Variants in GPC5 observed in about 807,000 individuals in gnomAD.
The protein encoded by GPC5 is glypican 5, also known as glypican-5.
Under a neutral mutation model 53.9 loss-of-function variants are expected in GPC5, and 47 were observed. The observed-to-expected ratio is 0.87, with a 90% CI of 0.69 to 1.11. The LOEUF is 1.11. GPC5 is among the 50% of genes most tolerant of loss of function. GPC5 has a pLI of 0.00. For missense variants in GPC5, 748 were observed against 713.1 expected (o/e 1.05, Z -0.56); for synonymous variants, 286 against 263.3 (o/e 1.09, Z -0.84).
intron 7 of GPC5, among the ~76,000 whole-genome samples, chr13:92,468,746 T>G (rs1041464910): frequency 6.6e-6 from 1 of 152,178 alleles, no homozygotes; most frequent in African/African-American, 2.4e-5. Context: ...CAGAACTGAC[T>G]GAGCACTTTC....
At chr13:91,932,069 G>A (rs540680546) in intron 6 of GPC5, among the ~76,000 whole-genome samples, 1 of 152,108 alleles carries the variant, frequency 6.6e-6, no homozygotes, top group Admixed American at 6.6e-5. Flanking sequence ...CTGATCTAAA[G>A]GGATGATTTC....
chr13:91,571,847 A>ATGTATACACACATACGTGTGTGTATG (rs758761473), intron 2 of GPC5, among the ~76,000 whole-genome samples: 1 of 80,800 alleles, frequency 1.2e-5, no homozygotes, highest in Non-Finnish European at 2.1e-5. Context: ...ACTTGTGTGT[A>ATGTATACACACATACGTGTGTGTATG]TATACACATA....
At chr13:91,415,070 TG>T (rs1295473436) in intron 1 of GPC5, among the ~76,000 whole-genome samples, 3 of 152,190 alleles carry the variant, frequency 2.0e-5, no homozygotes, top group Non-Finnish European at 1.5e-5. Context: ...CTTGCCTCCC[TG>T]TTGCTGGAGA....
intron 1 of GPC5, 55 bp downstream of exon 1, chr13:91,399,264 T>C: frequency 6.4e-7 from 1 of 1,562,190 alleles, no homozygotes; most frequent in Non-Finnish European, 8.7e-7. Context: ...CGGCCTTCGC[T>C]CCCCCAGGCT....
chr13:92,615,945 T>C (rs1441868592), intron 7 of GPC5, among the ~76,000 whole-genome samples: 1 of 152,048 alleles, frequency 6.6e-6, no homozygotes, highest in Non-Finnish European at 1.5e-5. Context: ...TCCCAGCTAC[T>C]TGGGAGGCTG....
At chr13:92,626,912 T>C (rs1352562116) in intron 7 of GPC5, among the ~76,000 whole-genome samples, 1 of 152,190 alleles carries the variant, frequency 6.6e-6, no homozygotes, top group Non-Finnish European at 1.5e-5. Flanking sequence ...TTGCTTTTCA[T>C]TATTTCATAT....
At chr13:91,541,067 A>C (rs1398748003) in intron 2 of GPC5, among the ~76,000 whole-genome samples, 1 of 152,080 alleles carries the variant, frequency 6.6e-6, no homozygotes, top group South Asian at 2.1e-4. Context: ...AAATTACCTA[A>C]TTTTTGTGTT....
At chr13:91,954,659 T>C (rs779766913) in intron 6 of GPC5, among the ~76,000 whole-genome samples, 17 of 152,186 alleles carry the variant, frequency 1.1e-4, no homozygotes, top group Admixed American at 2.0e-4. Flanking sequence ...TGTAAATAAT[T>C]AAAAGATTTC....
At chr13:92,385,373 CATATAT>C (rs1234087187) in intron 7 of GPC5, among the ~76,000 whole-genome samples, 3 of 78,584 alleles carry the variant, frequency 3.8e-5, no homozygotes, top group African/African-American at 1.5e-4. Flanking sequence ...CATATATATA[CATATAT>C]ACATATATAT....
chr13:92,829,998 T>C (rs1272976127), intron 7 of GPC5, among the ~76,000 whole-genome samples: 1 of 152,046 alleles, frequency 6.6e-6, no homozygotes, highest in Non-Finnish European at 1.5e-5. Context: ...AGAAAACGAG[T>C]CATGCTGGTA....
intron 7 of GPC5, among the ~76,000 whole-genome samples, chr13:92,519,300 T>C (rs1265650916): frequency 2.6e-5 from 4 of 152,168 alleles, no homozygotes; most frequent in Non-Finnish European, 4.4e-5. Flanking sequence ...TACAGAACTC[T>C]CCACCCCAAA....
intron 7 of GPC5, among the ~76,000 whole-genome samples, chr13:92,630,271 C>A (rs1263754676): frequency 6.6e-6 from 1 of 151,718 alleles, no homozygotes; most frequent in Non-Finnish European, 1.5e-5. Flanking sequence ...GGTAATAATA[C>A]CAAGGCAGAA....
At chr13:92,344,780 G>A (rs971796466) in intron 7 of GPC5, among the ~76,000 whole-genome samples, 57 of 152,216 alleles carry the variant, frequency 3.7e-4, no homozygotes, top group African/African-American at 1.1e-3. Flanking sequence ...GGCAGAAATA[G>A]GGGTGAGTCT....
chr13:92,465,677 C>CT lies in GPC5; in HGVS notation c.1561+320697dup, dbSNP rs201607840. On this transcript the variant is annotated intron_variant, in intron 7 of 7. Coordinates refer to ENST00000377067, the MANE Select transcript of GPC5 (RefSeq NM_004466.6). ...TCCTTCAAGCAAAACCATTCTTTGT[C>CT]TTTTTTTTTCTGAAAAAGTCATTTT... Among the ~76,000 whole-genome samples the CT allele has an allele frequency of 5.7e-3, 864 of 151,118 alleles. 8 individuals are homozygous for CT. The highest frequency in any genetic ancestry group is 0.02 in the African/African-American group (822 of 41,240).
intron 2 of GPC5, among the ~76,000 whole-genome samples, chr13:91,480,968 T>TTC (rs398037747): frequency 3.3e-5 from 5 of 151,132 alleles, no homozygotes; most frequent in Admixed American, 1.3e-4. Flanking sequence ...TTTTTTTTTT[T>TTC]CCCAAAACTT....
chr13:92,239,277 A>G (rs2042592343), intron 7 of GPC5, among the ~76,000 whole-genome samples: 1 of 151,854 alleles, frequency 6.6e-6, no homozygotes, highest in African/African-American at 2.4e-5. Context: ...TTTTTACTGA[A>G]TCTGTCAATA....
At chr13:91,639,844 G>A (rs776690646) in intron 2 of GPC5, among the ~76,000 whole-genome samples, 1 of 152,200 alleles carries the variant, frequency 6.6e-6, no homozygotes, top group African/African-American at 2.4e-5. Flanking sequence ...ACCCTGAAAA[G>A]TAGGCTTTAT....
intron 6 of GPC5, among the ~76,000 whole-genome samples, chr13:91,961,339 G>C (rs190290905): frequency 6.6e-6 from 1 of 152,074 alleles, no homozygotes; most frequent in East Asian, 1.9e-4. Flanking sequence ...TGTGATTAGT[G>C]AAAGGATAGA....
chr13:92,528,163 T>G (rs534556596), intron 7 of GPC5, among the ~76,000 whole-genome samples: 4 of 152,266 alleles, frequency 2.6e-5, no homozygotes, highest in African/African-American at 9.6e-5. Context: ...ATTTTGAGCT[T>G]CTGCAAAAAC....
Sources: allele counts gnomAD v4.1 joint callset (sites outside exome capture counted in the v4.1 genomes callset), GRCh38; gene constraint gnomAD v4.1.1; transcripts MANE v1.5; gene names NCBI Gene and HGNC (gene_info 2026-07-23, HGNC 2026-07-21).